Variants in ACOT7 observed in about 807,000 individuals in gnomAD.
ACOT7 encodes acyl-CoA thioesterase 7.
In ACOT7, 12 loss-of-function variants were observed where a neutral mutation model predicts 40.2. The observed-to-expected ratio is 0.30, with a 90% CI of 0.19 to 0.48. The LOEUF (loss-of-function observed/expected upper bound fraction) is 0.48, where lower values mean the gene tolerates loss of function less well. Ranked by LOEUF, ACOT7 falls within the 20% of genes least tolerant of loss-of-function variation. The pLI is 0.99. For synonymous variants in ACOT7, 228 were observed against 219.5 expected (o/e 1.04, Z -0.34); for missense variants, 395 against 530.8 (o/e 0.74, Z 2.51).
chr1:6,276,544 G>A (rs1299975209), intron 8 of ACOT7, among the ~76,000 whole-genome samples: 3 of 152,136 alleles, frequency 2.0e-5, no homozygotes, highest in African/African-American at 7.2e-5. Flanking sequence ...AGGCCCTGGG[G>A]AAGGGAGCTA....
chr1:6,333,773 T>C (rs890866678), intron 3 of ACOT7, among the ~76,000 whole-genome samples: 1 of 134,516 alleles, frequency 7.4e-6, no homozygotes, highest in African/African-American at 2.8e-5. Context: ...GCTGCCATCA[T>C]GTGAGTGTGG....
In ACOT7 at chr1:6,349,859, G is replaced by T. The variant is rs768926964; in HGVS notation, c.151C>A (p.Arg51=). The change falls in exon 2 of 9, where the codon CGG becomes AGG. Residue 51 remains arginine, a synonymous_variant. Coordinates refer to ENST00000361521, the MANE Select transcript of ACOT7 (RefSeq NM_007274.4). ...CCGGCCACGTTGGCATCATCTGGCC[G>T]CATGATCCTAGGGCAGAGGAGAAGC... The part of the protein sequence containing the change: ...PSAIQICRIM[R]PDDANVAGNV... The T allele has an allele frequency of 1.9e-6, 3 of 1,613,980 alleles. No individual in the cohort carries two copies. In the South Asian group the frequency reaches 3.3e-5, roughly 18 times the overall value.
At position 6,393,475 on chromosome 1, in the gene ACOT7, TC is replaced by T; in HGVS notation, c.-77del. On this transcript the variant is annotated 5_prime_UTR_variant, in exon 1 of 9. Coordinates refer to ENST00000361521, the MANE Select transcript of ACOT7 (RefSeq NM_007274.4). The stretch of plus-strand genomic sequence containing the variant: ...GCGCCGGGGGCAATCGAACGCGGCC[TC>T]CCCGCGCCGACCCCGCCCCCGCGCC... The T allele has an allele frequency of 8.5e-7, 1 of 1,172,546 alleles. No individual in the cohort carries two copies. The allele number at this position is 1,172,546 out of a possible 1,614,324, so 72.6% of individuals were successfully genotyped here.
Position 6,282,661 on chromosome 1 carries a change from G to C in ACOT7, c.830-1375C>G, listed in dbSNP as rs1293227848. 8.0e-7 allele frequency: 1 copy of C among 1,250,086 alleles called. No homozygotes were observed. Among genetic ancestry groups the C allele is most frequent in the Non-Finnish European group, 1.1e-6 (1 of 940,980 alleles). The allele number at this position is 1,250,086 out of a possible 1,614,324, so 77.4% of individuals were successfully genotyped here. ...AGGGCGGTTAGCAGGCCAGAGGCAA[G>C]AGCGGTTATTCCATGTTAAAAAGTA... On this transcript the variant is annotated intron_variant, in intron 7 of 8. Transcript: ENST00000361521. This position sits in a 1 kb window ranked among gnomAD's most constrained non-coding sequence, Gnocchi z 4.5.
intron 8 of ACOT7, among the ~76,000 whole-genome samples, chr1:6,279,839 G>C (rs1232855393): frequency 2.0e-5 from 3 of 152,198 alleles, no homozygotes; most frequent in African/African-American, 7.2e-5. Flanking sequence ...AGGGCTGGGA[G>C]AGGGGCTTGG....
At chr1:6,349,651 G>A in intron 2 of ACOT7, 98 bp downstream of exon 2, 1 of 1,155,058 alleles carries the variant, frequency 8.7e-7, no homozygotes, top group Non-Finnish European at 1.3e-6. Context: ...TGCACAAGGG[G>A]AGGGAAGGCT....
intron 7 of ACOT7, among the ~76,000 whole-genome samples, chr1:6,290,936 C>A (rs1639645001): frequency 6.6e-6 from 1 of 152,240 alleles, no homozygotes; most frequent in Non-Finnish European, 1.5e-5. Context: ...ACTCTCCCTG[C>A]ATTCCTTAGA....
intron 7 of ACOT7, among the ~76,000 whole-genome samples, chr1:6,283,323 G>T (rs1557630878): frequency 5.3e-5 from 8 of 152,134 alleles, no homozygotes. Flanking sequence ...CACCATGCAC[G>T]GCTGATTTTT....
Position 6,282,255 on chromosome 1 carries a change from G to T in ACOT7, c.830-969C>A, listed in dbSNP as rs1455765575. Among the ~76,000 whole-genome samples the T allele has an allele frequency of 2.6e-5, 4 of 152,138 alleles. No homozygotes were observed. The highest frequency in any genetic ancestry group is 5.9e-5 in the Non-Finnish European group (4 of 68,030). ...GAGCTCAGCTCTTCCCTATAGGCAG[G>T]CATGAGACACCCTGCCTGGGGGATA... On this transcript the variant is annotated intron_variant, in intron 7 of 8. Transcript: ENST00000361521. This position sits in a 1 kb window ranked among gnomAD's most constrained non-coding sequence, Gnocchi z 4.5.
chr1:6,349,706 G>A, intron 2 of ACOT7, 43 bp downstream of exon 2: 2 of 1,570,224 alleles, frequency 1.3e-6, no homozygotes, highest in Non-Finnish European at 1.7e-6. Flanking sequence ...ACTCACACTG[G>A]TGCGGCCTCC....
intron 3 of ACOT7, among the ~76,000 whole-genome samples, chr1:6,337,984 G>C (rs1434894876): frequency 7.7e-6 from 1 of 129,036 alleles, no homozygotes; most frequent in Non-Finnish European, 1.6e-5. Flanking sequence ...CTGGGCAACA[G>C]AGTGAGACAC....
chr1:6,295,185 C>T (rs936927808), intron 6 of ACOT7: 5 of 501,650 alleles, frequency 1.0e-5, no homozygotes, highest in Non-Finnish European at 1.8e-5. Context: ...AAAAAAACGA[C>T]CATGGCTGAT....
intron 5 of ACOT7, among the ~76,000 whole-genome samples, chr1:6,320,331 TCA>T (rs1640610538): frequency 6.6e-6 from 1 of 152,212 alleles, no homozygotes; most frequent in African/African-American, 2.4e-5. Context: ...AACTGCAGGT[TCA>T]CAGATTAGGC....
intron 1 of ACOT7, among the ~76,000 whole-genome samples, chr1:6,361,899 G>A (rs1274541053): frequency 5.3e-5 from 8 of 152,236 alleles, no homozygotes; most frequent in African/African-American, 1.2e-4. Context: ...CATGGCAGGA[G>A]CCCTCGAAAC....
chr1:6,344,931 G>A (rs1192314552), intron 2 of ACOT7, among the ~76,000 whole-genome samples: 2 of 152,182 alleles, frequency 1.3e-5, no homozygotes, highest in Non-Finnish European at 2.9e-5. Context: ...GGCTCTGTGT[G>A]TCTGATGGGT....
chr1:6,363,914 G>C (rs190101925), intron 1 of ACOT7, among the ~76,000 whole-genome samples: 13 of 152,212 alleles, frequency 8.5e-5, no homozygotes, highest in Admixed American at 2.0e-4. Context: ...TGGGTTTTCT[G>C]TGGTCCCAGC....
At chr1:6,383,469 G>A (rs1642385556) in intron 1 of ACOT7, among the ~76,000 whole-genome samples, 1 of 150,916 alleles carries the variant, frequency 6.6e-6, no homozygotes, top group Admixed American at 6.6e-5. Context: ...TTACAGGCGT[G>A]AGTCACCGCG....
intron 1 of ACOT7, among the ~76,000 whole-genome samples, chr1:6,362,637 G>A (rs1641915860): frequency 6.6e-6 from 1 of 152,156 alleles, no homozygotes; most frequent in Admixed American, 6.6e-5. Context: ...GCCCTAGAAT[G>A]GGAGGCCACA....
chr1:6,374,667 G>C (rs779496557), intron 1 of ACOT7, among the ~76,000 whole-genome samples: 1 of 152,166 alleles, frequency 6.6e-6, no homozygotes, highest in Non-Finnish European at 1.5e-5. Context: ...CACACCCCTA[G>C]GTCACTGCGC....
Sources: gnomAD v4.1 joint callset for allele counts (sites outside exome capture counted in the v4.1 genomes callset) on GRCh38, gnomAD v4.1.1 for gene constraint, Gnocchi (gnomAD v3.1) non-coding constraint, MANE v1.5 for transcripts, NCBI Gene and HGNC (gene_info 2026-07-23, HGNC 2026-07-21) for gene names.